Variants in RNF24 observed in about 807,000 individuals in gnomAD.
RNF24 encodes ring finger protein 24.
Under a neutral mutation model 20.0 loss-of-function variants are expected in RNF24, and 14 were observed. That is an observed-to-expected ratio of 0.70 (90% confidence interval 0.46 to 1.10). The LOEUF (loss-of-function observed/expected upper bound fraction) is 1.10, where lower values mean the gene tolerates loss of function less well. Ranked by LOEUF, RNF24 falls within the 50% of genes least tolerant of loss-of-function variation. The pLI is 0.00. For missense variants in RNF24, 124 were observed against 177.6 expected, an observed-to-expected ratio of 0.70 and a Z score of 1.71; for synonymous variants, 45 against 61.1, an observed-to-expected ratio of 0.74 and a Z score of 1.23.
intron 1 of RNF24, among the ~76,000 whole-genome samples, chr20:3,993,783 G>A (rs1980647277): frequency 6.6e-6 from 1 of 152,116 alleles, no homozygotes; most frequent in African/African-American, 2.4e-5. Context: ...CTCCAGAAAG[G>A]CCCACACCAT....
intron 1 of RNF24, among the ~76,000 whole-genome samples, chr20:3,997,701 C>T (rs949749495): frequency 1.3e-5 from 2 of 152,092 alleles, no homozygotes; most frequent in African/African-American, 4.8e-5. Context: ...GTTGGGGCTA[C>T]GGATGTAAGC....
intron 1 of RNF24, chr20:3,974,506 C>A: frequency 8.8e-7 from 1 of 1,135,488 alleles, no homozygotes; most frequent in Non-Finnish European, 1.1e-6. Flanking sequence ...ACAACAAAAT[C>A]CCAAAGAATC....
At chr20:3,967,607 A>G (rs2146996950) in intron 1 of RNF24, among the ~76,000 whole-genome samples, 1 of 152,340 alleles carries the variant, frequency 6.6e-6, no homozygotes, top group East Asian at 1.9e-4. Flanking sequence ...TCCTCAAAGC[A>G]TGCTTGGTAG....
chr20:4,012,574 A>C (rs1298622392), intron 1 of RNF24, among the ~76,000 whole-genome samples: 1 of 152,226 alleles, frequency 6.6e-6, no homozygotes, highest in African/African-American at 2.4e-5. Context: ...TACCATCACT[A>C]ACATAATATT....
chr20:3,960,175 T>C (rs1294396054), intron 2 of RNF24, among the ~76,000 whole-genome samples: 2 of 152,130 alleles, frequency 1.3e-5, no homozygotes, highest in East Asian at 1.9e-4. Context: ...GGGAGCTCTC[T>C]GGAGAACAGA....
Position 3,948,159 on chromosome 20 carries a change from C to T in RNF24, c.186+78G>A, listed in dbSNP as rs1449350664. On this transcript the variant is annotated intron_variant, in intron 3 of 5. Coordinates refer to ENST00000358395, the MANE Select transcript of RNF24 (RefSeq NM_001134337.3). ...ACAAGTAAATTCAGTCCCAGTTTAACGTATGAGTGGAAATCAGAGTTCTCA... is the reference window on the plus strand; with the variant it reads ...ACAAGTAAATTCAGTCCCAGTTTAATGTATGAGTGGAAATCAGAGTTCTCA... 1.8e-5 allele frequency: 18 copies of T among 1,010,762 alleles called. 1 individual carries two copies. The highest frequency in any genetic ancestry group is 2.1e-4 in the Middle Eastern group (1 of 4,856). The allele number at this position is 1,010,762 out of a possible 1,614,324, so 62.6% of individuals were successfully genotyped here. A position where few individuals can be genotyped will look rare whatever the true frequency, so the allele number is the denominator to read the frequency against.
At chr20:3,996,374 G>A (rs1484593836) in intron 1 of RNF24, among the ~76,000 whole-genome samples, 1 of 152,156 alleles carries the variant, frequency 6.6e-6, no homozygotes, top group African/African-American at 2.4e-5. Flanking sequence ...ATTTTGTAGA[G>A]ATCGGATCTT....
intron 1 of RNF24, among the ~76,000 whole-genome samples, chr20:3,971,685 A>G (rs2147004250): frequency 6.6e-6 from 1 of 152,322 alleles, no homozygotes; most frequent in South Asian, 2.1e-4. Flanking sequence ...GCCTACAGCA[A>G]TCAGTAAGAA....
chr20:3,979,850 A>G (rs560729426), intron 1 of RNF24, among the ~76,000 whole-genome samples: 1 of 152,198 alleles, frequency 6.6e-6, no homozygotes, highest in African/African-American at 2.4e-5. Context: ...GTGTAGGTGT[A>G]TAAGTGTAAC....
intron 2 of RNF24, among the ~76,000 whole-genome samples, chr20:3,949,793 A>G (rs535670331): frequency 6.6e-6 from 1 of 152,190 alleles, no homozygotes; most frequent in Admixed American, 6.5e-5. Context: ...AATTTAAATG[A>G]AGTCTAATTT....
rs1978541505 is a variant in RNF24, at chr20:3,973,323, A to G, written c.-7-9299T>C. ...CACACATAAGAAAATAAAAAATCTCAAATCAATAATCTAAACTCCTACATC... is the reference window on the plus strand; with the variant it reads ...CACACATAAGAAAATAAAAAATCTCGAATCAATAATCTAAACTCCTACATC... On this transcript the variant is annotated intron_variant, in intron 1 of 5. Transcript: ENST00000358395. Among the ~76,000 whole-genome samples the G allele has an allele frequency of 5.3e-5, 8 of 152,264 alleles. No individual in the cohort carries two copies. In the South Asian group the frequency reaches 1.7e-3, roughly 32 times the overall value.
intron 3 of RNF24, among the ~76,000 whole-genome samples, chr20:3,946,082 T>TA (rs1244678168): frequency 6.6e-6 from 1 of 152,240 alleles, no homozygotes; most frequent in East Asian, 1.9e-4. Context: ...GTGACTTGTC[T>TA]AGTTTTATCA....
chr20:3,996,607 G>T (rs936654342), intron 1 of RNF24, among the ~76,000 whole-genome samples: 5 of 152,042 alleles, frequency 3.3e-5, no homozygotes, highest in Admixed American at 6.6e-5. Context: ...AGAATTTTTG[G>T]TTGGGCATGT....
intron 1 of RNF24, among the ~76,000 whole-genome samples, chr20:3,971,061 A>G (rs1446925601): frequency 6.6e-6 from 1 of 152,202 alleles, no homozygotes; most frequent in Non-Finnish European, 1.5e-5. Flanking sequence ...AAACTAAAAC[A>G]ACAACAACAA....
At chr20:3,965,062 G>C (rs1218357711) in intron 1 of RNF24, among the ~76,000 whole-genome samples, 1 of 152,112 alleles carries the variant, frequency 6.6e-6, no homozygotes, top group Non-Finnish European at 1.5e-5. Flanking sequence ...GATTACTACA[G>C]TTAAAATTCC....
At chr20:3,979,967 G>A (rs117759861) in intron 1 of RNF24, among the ~76,000 whole-genome samples, 1,623 of 151,930 alleles carry the variant, frequency 0.011, 24 homozygotes, top group Non-Finnish European at 0.016. Flanking sequence ...CCAGAAGAAG[G>A]AATTAATAAA....
At chr20:3,960,487 G>A (rs1291050508) in intron 2 of RNF24, among the ~76,000 whole-genome samples, 3 of 152,054 alleles carry the variant, frequency 2.0e-5, no homozygotes, top group Non-Finnish European at 4.4e-5. Flanking sequence ...GGCCAACATG[G>A]TGAAACCCCA....
intron 4 of RNF24, among the ~76,000 whole-genome samples, chr20:3,940,903 A>G (rs76892817): frequency 0.032 from 4,904 of 152,288 alleles, 263 homozygotes; most frequent in African/African-American, 0.11. Flanking sequence ...GAAAATTACT[A>G]AAGGAAAGTT....
chr20:3,976,059 T>G (rs569768911), intron 1 of RNF24, among the ~76,000 whole-genome samples: 78 of 152,282 alleles, frequency 5.1e-4, no homozygotes, highest in Admixed American at 1.3e-4. Flanking sequence ...AGTGTTGGGA[T>G]TACATGTGTG....
Sources: allele counts gnomAD v4.1 joint callset (sites outside exome capture counted in the v4.1 genomes callset), GRCh38; gene constraint gnomAD v4.1.1; transcripts MANE v1.5; gene names NCBI Gene and HGNC (gene_info 2026-07-23, HGNC 2026-07-21).